VGLL4: variants seen among roughly 807,000 people sequenced by gnomAD.
VGLL4 encodes the protein transcription cofactor vestigial-like protein 4.
Under a neutral mutation model 21.0 loss-of-function variants are expected in VGLL4, and 7 were observed. The ratio of observed to expected loss-of-function variants is 0.33; its 90% CI spans 0.19 to 0.63. VGLL4 has a LOEUF of 0.63. Ranked by LOEUF, VGLL4 falls within the 20% of genes least tolerant of loss-of-function variation. The probability of loss-of-function intolerance (pLI) is 0.78; values close to 1 mark genes in which losing one functional copy is unlikely to be tolerated. For missense variants in VGLL4, 394 were observed against 425.7 expected (o/e 0.93, Z 0.66); for synonymous variants, 222 against 173.2 (o/e 1.28, Z -2.21).
intron 1 of VGLL4, among the ~76,000 whole-genome samples, chr3:11,620,595 G>C (rs183240910): frequency 1.3e-5 from 2 of 152,312 alleles, no homozygotes; most frequent in Admixed American, 1.3e-4. Flanking sequence ...GGAAATTCCA[G>C]AGCTACCTTT....
At chr3:11,721,397 C>T (rs934841550), upstream of VGLL4, 4 of 152,124 alleles carry the variant, frequency 2.6e-5, no homozygotes, top group East Asian at 5.8e-4. Context: ...AACTTGGGGC[C>T]CCTTGTGAAA....
intron 1 of VGLL4, among the ~76,000 whole-genome samples, chr3:11,717,049 T>C (rs1454221501): frequency 2.6e-5 from 4 of 152,130 alleles, no homozygotes; most frequent in Admixed American, 6.5e-5. Context: ...AGCAGACACA[T>C]TGGTATGTTA....
chr3:11,598,782 A>T (rs1164730111), intron 2 of VGLL4, among the ~76,000 whole-genome samples: 2 of 152,170 alleles, frequency 1.3e-5, no homozygotes, highest in African/African-American at 4.8e-5. Context: ...ATGAGCTAGC[A>T]CACCCAGCCA....
chr3:11,582,401 C>CT, intron 2 of VGLL4: 1 of 1,546,624 alleles, frequency 6.5e-7, no homozygotes, highest in Non-Finnish European at 8.7e-7. Flanking sequence ...TGGGCGGGCG[C>CT]TTGTCAGAAT....
rs144490645 is a variant in VGLL4, at chr3:11,658,475, G to A, written c.64+44496C>T. Among the ~76,000 whole-genome samples, 212 of 151,820 alleles carry A rather than the reference G, an allele frequency of 1.4e-3. 1 individual carries two copies. The highest frequency in any genetic ancestry group is 0.01 in the Middle Eastern group (3 of 294). On this transcript the variant is annotated intron_variant, in intron 2 of 5. Transcript: ENST00000273038. ...GACCTGTAAAACGGAAGCCTTCTTC[G>A]TAATATTTAACCAAACACAGGGCCT...
At chr3:11,693,039 G>A in intron 2 of VGLL4, 1 of 183,622 alleles carries the variant, frequency 5.4e-6, no homozygotes. Flanking sequence ...GTGTGGTGGT[G>A]TGTACCTGTG....
chr3:11,593,171 G>A (rs141698492), intron 2 of VGLL4, among the ~76,000 whole-genome samples: 281 of 152,266 alleles, frequency 1.8e-3, no homozygotes, highest in African/African-American at 6.5e-3. Flanking sequence ...TCACTCTCAT[G>A]GAATTTGTGA....
intron 1 of VGLL4, among the ~76,000 whole-genome samples, chr3:11,606,872 A>C (rs1217962891): frequency 6.6e-6 from 1 of 152,118 alleles, no homozygotes; most frequent in Non-Finnish European, 1.5e-5. Context: ...TTCACAATAA[A>C]TCTTGCTGCT....
At position 11,632,094 on chromosome 3, in the gene VGLL4, G is replaced by A. The variant is rs1201629994; in HGVS notation, c.82+11343C>T. On this transcript the variant is annotated intron_variant, in intron 1 of 4. Transcript: ENST00000430365. Reference sequence around the variant, plus strand: ...TCCCAGCACTTTGGGCAGGCAGATCGCCTGAGGTCAGGAGTTCAATTCCAG... The same window carrying A: ...TCCCAGCACTTTGGGCAGGCAGATCACCTGAGGTCAGGAGTTCAATTCCAG... Among the ~76,000 whole-genome samples the A allele has an allele frequency of 2.0e-5, 3 of 152,192 alleles. No individual in the cohort carries two copies. The East Asian group carries it at 5.8e-4, about 29-fold the overall frequency.
intron 2 of VGLL4, among the ~76,000 whole-genome samples, chr3:11,699,086 T>TCC (rs1440293671): frequency 6.6e-6 from 1 of 152,134 alleles, no homozygotes; most frequent in East Asian, 1.9e-4. Flanking sequence ...AACGTTAACC[T>TCC]CCCCTAAAGT....
At chr3:11,671,335 A>C in intron 2 of VGLL4, 3 of 1,386,890 alleles carry the variant, frequency 2.2e-6, no homozygotes, top group Non-Finnish European at 2.0e-6. Context: ...GCGTATTCTC[A>C]GTCATCAGTT....
At chr3:11,710,473 T>C (rs768624115) in intron 1 of VGLL4, 1 of 152,214 alleles carries the variant, frequency 6.6e-6, no homozygotes, top group African/African-American at 2.4e-5. Flanking sequence ...CTACCTTGTC[T>C]AGATGTGGAG....
chr3:11,602,052 A>G lies in VGLL4; in HGVS notation c.83-30T>C, dbSNP rs2074815979. 11 of 1,490,780 alleles carry G rather than the reference A, an allele frequency of 7.4e-6. No homozygotes were observed. In the East Asian group the frequency reaches 2.8e-4, roughly 38 times the overall value. The allele number at this position is 1,490,780 out of a possible 1,614,324, so 92.3% of individuals were successfully genotyped here. A position where few individuals can be genotyped will look rare whatever the true frequency, so the allele number is the denominator to read the frequency against. Reference sequence around the variant, plus strand: ...GCAGAGAGAGATGATGTAGTCACTAAGCAGGAGAAAGGCCCCCATCTCAGT... The same window carrying G: ...GCAGAGAGAGATGATGTAGTCACTAGGCAGGAGAAAGGCCCCCATCTCAGT... On this transcript the variant is annotated intron_variant, in intron 1 of 4. Coordinates refer to ENST00000430365, the MANE Select transcript of VGLL4 (RefSeq NM_001128219.3).
intron 2 of VGLL4, among the ~76,000 whole-genome samples, chr3:11,591,904 A>G (rs1034693501): frequency 2.0e-5 from 3 of 152,276 alleles, no homozygotes; most frequent in African/African-American, 7.2e-5. Context: ...TAAAGAAACT[A>G]AAAATCCCGA....
chr3:11,708,836 C>T (rs1290278395), intron 1 of VGLL4, among the ~76,000 whole-genome samples: 1 of 151,706 alleles, frequency 6.6e-6, no homozygotes, highest in Admixed American at 6.6e-5. Flanking sequence ...CTGAGGTGGG[C>T]AGATCACTTG....
At chr3:11,611,464 A>G (rs796334475) in intron 1 of VGLL4, 3 of 152,298 alleles carry the variant, frequency 2.0e-5, no homozygotes, top group African/African-American at 7.2e-5. Flanking sequence ...AGCCTCCAGG[A>G]CCAATGAGTT....
chr3:11,608,027 T>TAC, intron 1 of VGLL4, among the ~76,000 whole-genome samples: 1 of 152,316 alleles, frequency 6.6e-6, no homozygotes, highest in East Asian at 1.9e-4. Context: ...CAAAAGCACA[T>TAC]ACACCAAAAG....
intron 2 of VGLL4, among the ~76,000 whole-genome samples, chr3:11,586,336 A>G (rs2074361051): frequency 6.6e-6 from 1 of 152,232 alleles, no homozygotes; most frequent in Non-Finnish European, 1.5e-5. Context: ...AATAAAAAGT[A>G]TCTATGGTGA....
chr3:11,685,251 T>A (rs1575529727), intron 2 of VGLL4, among the ~76,000 whole-genome samples: 1 of 148,888 alleles, frequency 6.7e-6, no homozygotes, highest in Admixed American at 6.9e-5. Flanking sequence ...CAGGCTGGAG[T>A]GCAGTGGTGC....
Sources: gnomAD v4.1 joint callset for allele counts (sites outside exome capture counted in the v4.1 genomes callset) on GRCh38, gnomAD v4.1.1 for gene constraint, MANE v1.5 for transcripts, NCBI Gene and HGNC (gene_info 2026-07-23, HGNC 2026-07-21) for gene names.